NFATC2: variants seen among roughly 807,000 people sequenced by gnomAD.
NFATC2 encodes the protein nuclear factor of activated T-cells, cytoplasmic 2.
In NFATC2, 22 loss-of-function variants were observed where a neutral mutation model predicts 87.3. The observed-to-expected ratio is 0.25, with a 90% CI of 0.18 to 0.36. The LOEUF (loss-of-function observed/expected upper bound fraction) is 0.36, where lower values mean the gene tolerates loss of function less well. Ranked by LOEUF, NFATC2 falls within the 10% of genes least tolerant of loss-of-function variation. The probability of loss-of-function intolerance (pLI) is 1.00; values close to 1 mark genes in which losing one functional copy is unlikely to be tolerated. For missense variants in NFATC2, 1,149 were observed against 1,259.1 expected, an observed-to-expected ratio of 0.91 and a Z score of 1.32; for synonymous variants, 565 against 542.2, an observed-to-expected ratio of 1.04 and a Z score of -0.58.
At chr20:51,404,010 A>T (rs1988312655) in intron 9 of NFATC2, among the ~76,000 whole-genome samples, 2 of 152,310 alleles carry the variant, frequency 1.3e-5, no homozygotes, top group South Asian at 4.2e-4. Flanking sequence ...TAGGTCCAGC[A>T]TCCCATGGCT....
intron 3 of NFATC2, among the ~76,000 whole-genome samples, chr20:51,476,091 T>A (rs1298056653): frequency 5.9e-5 from 8 of 136,234 alleles, no homozygotes; most frequent in South Asian, 2.3e-4. Flanking sequence ...TTTTTTTTTT[T>A]TATACTTTAA....
intron 1 of NFATC2, among the ~76,000 whole-genome samples, chr20:51,540,234 A>T: frequency 6.6e-6 from 1 of 151,802 alleles, no homozygotes; most frequent in East Asian, 1.9e-4. Context: ...GCTGGTCTTG[A>T]CCTCCTGACC....
Position 51,390,287 on chromosome 20 carries a change from C to G in NFATC2, c.*1209G>C, listed in dbSNP as rs1485870413. The G allele has an allele frequency of 6.6e-6, 1 of 152,222 alleles. No individual in the cohort carries two copies. Among genetic ancestry groups the G allele is most frequent in the East Asian group, 1.9e-4 (1 of 5,200 alleles). 9.4% of individuals were successfully genotyped at this position (152,222 alleles called of 1,614,324 possible). A position where few individuals can be genotyped will look rare whatever the true frequency, so the allele number is the denominator to read the frequency against. On this transcript the variant is annotated 3_prime_UTR_variant, in exon 11 of 11. Coordinates refer to ENST00000371564, the MANE Select transcript of NFATC2 (RefSeq NM_012340.5). ...CAAATTAACCAGTGAAGCTGGGAAG[C>G]ACATCCTGAGCTCGGCTGTCCCACT...
intron 3 of NFATC2, among the ~76,000 whole-genome samples, chr20:51,478,008 C>T (rs1444861025): frequency 6.6e-6 from 1 of 152,202 alleles, no homozygotes; most frequent in African/African-American, 2.4e-5. Context: ...TCCATCATCA[C>T]AGAAAGTCCT....
At chr20:51,415,397 C>A (rs1979906627) in intron 9 of NFATC2, among the ~76,000 whole-genome samples, 1 of 152,178 alleles carries the variant, frequency 6.6e-6, no homozygotes, top group Non-Finnish European at 1.5e-5. Context: ...GAGTCAACAT[C>A]CCACACACCA....
chr20:51,477,537 A>G (rs555067350), intron 3 of NFATC2, among the ~76,000 whole-genome samples: 4,542 of 25,888 alleles, frequency 0.18, 124 homozygotes, highest in Middle Eastern at 0.3. Context: ...GTGTGTGTCT[A>G]TATATATATA....
chr20:51,409,207 G>A (rs1978827170), intron 9 of NFATC2, among the ~76,000 whole-genome samples: 1 of 152,164 alleles, frequency 6.6e-6, no homozygotes, highest in African/African-American at 2.4e-5. Flanking sequence ...TGTACACCCT[G>A]TGACCATGCA....
At chr20:51,474,659 G>C (rs1019929410) in intron 4 of NFATC2, among the ~76,000 whole-genome samples, 4 of 152,190 alleles carry the variant, frequency 2.6e-5, no homozygotes, top group Admixed American at 1.3e-4. Flanking sequence ...GTTAACGCCT[G>C]GGAAAGCCGA....
In NFATC2 at chr20:51,523,435, G is replaced by T. The variant is rs749828104; in HGVS notation, c.806C>A (p.Pro269His). Residue 269 changes from proline (P) to histidine (H), a missense_variant, in exon 2 of 11, where the codon CCC becomes CAC. Pro to His is a moderately conservative substitution (Grantham distance 77, BLOSUM62 -2). Coordinates refer to ENST00000371564, the MANE Select transcript of NFATC2 (RefSeq NM_012340.5). This position sits in a 1 kb window ranked among gnomAD's most constrained non-coding sequence, Gnocchi z 6.9. ...CGGCGAGGGGCTCCGGGAGCGCTGGGGTGAGGCTCCGGGCGGCAGGGCAAC... is the reference window on the plus strand; with the variant it reads ...CGGCGAGGGGCTCCGGGAGCGCTGGTGTGAGGCTCCGGGCGGCAGGGCAAC... ...ALVALPPGAS[P>H]QRSRSPSPQP... 1.9e-6 allele frequency: 3 copies of T among 1,609,044 alleles called. No homozygotes were observed. Among genetic ancestry groups the T allele is most frequent in the Admixed American group, 3.4e-5 (2 of 59,522 alleles).
Position 51,454,480 on chromosome 20 carries a change from T to C in NFATC2, c.1849+68A>G. On this transcript the variant is annotated intron_variant, in intron 6 of 10. Coordinates refer to ENST00000371564, the MANE Select transcript of NFATC2 (RefSeq NM_012340.5). ...TCTACCCCCCAAAACCAAAGTTGTA[T>C]ATAATAAAGAGATGGTCACTTTTGC... 2.5e-6 allele frequency: 4 copies of C among 1,573,674 alleles called. No homozygotes were observed. In the Admixed American group the frequency reaches 7.1e-5, roughly 28 times the overall value.
rs1429994783 is a variant in NFATC2 at position 51,390,455 on chromosome 20, C to G, written c.*1041G>C. On this transcript the variant is annotated 3_prime_UTR_variant, in exon 11 of 11. Coordinates refer to ENST00000371564, the MANE Select transcript of NFATC2 (RefSeq NM_012340.5). ...GCTATTCCTCAATTAAATGCACATG[C>G]TTGAGATTCTCCACCGCTTTACGGA... 6.6e-6 allele frequency: 1 copy of G among 152,208 alleles called. No individual in the cohort carries two copies. The highest frequency in any genetic ancestry group is 1.9e-4 in the East Asian group (1 of 5,196). The allele number at this position is 152,208 out of a possible 1,614,324, so 9.4% of individuals were successfully genotyped here. A position where few individuals can be genotyped will look rare whatever the true frequency, so the allele number is the denominator to read the frequency against.
At chr20:51,536,793 T>C (rs1015303798) in intron 1 of NFATC2, among the ~76,000 whole-genome samples, 1 of 152,238 alleles carries the variant, frequency 6.6e-6, no homozygotes, top group Non-Finnish European at 1.5e-5. Flanking sequence ...AGCAGGCTTA[T>C]TAAGGCCTGT....
rs2076172732 is a variant in NFATC2, at chr20:51,505,980, C to T, written c.1332+10804G>A. ...ATGAGCATATCTTGAGCTCTCATCG[C>T]AGGCAGGGCCCTGTTTTGGCACCTC... is the stretch of plus-strand genomic sequence containing the variant. On this transcript the variant is annotated intron_variant, in intron 3 of 10. Transcript: ENST00000371564. Among the ~76,000 whole-genome samples the T allele has an allele frequency of 2.6e-5, 4 of 152,186 alleles. No individual in the cohort carries two copies. The South Asian group carries it at 8.3e-4, about 32-fold the overall frequency.
chr20:51,442,638 A>T (rs529731727), intron 6 of NFATC2, among the ~76,000 whole-genome samples: 1 of 151,952 alleles, frequency 6.6e-6, no homozygotes, highest in Non-Finnish European at 1.5e-5. Flanking sequence ...TTCTTCACTG[A>T]TTCAAGAAAC....
intron 9 of NFATC2, among the ~76,000 whole-genome samples, chr20:51,414,775 C>T (rs186398585): frequency 1.2e-4 from 18 of 152,226 alleles, no homozygotes; most frequent in Middle Eastern, 3.4e-3. Context: ...AGAAAGCCTC[C>T]GCACAGCCGC....
intron 6 of NFATC2, among the ~76,000 whole-genome samples, chr20:51,441,656 G>T (rs1984356519): frequency 6.9e-6 from 1 of 143,936 alleles, no homozygotes; most frequent in Admixed American, 7.4e-5. Context: ...GGCGGAGGTT[G>T]CAGTGAGCCG....
chr20:51,464,293 T>C (rs1277594015), intron 5 of NFATC2, among the ~76,000 whole-genome samples: 1 of 152,236 alleles, frequency 6.6e-6, no homozygotes, highest in Non-Finnish European at 1.5e-5. Flanking sequence ...CGTCTGGCAC[T>C]TACTGTGTGA....
chr20:51,511,794 T>C (rs2076275599), intron 3 of NFATC2, among the ~76,000 whole-genome samples: 1 of 152,176 alleles, frequency 6.6e-6, no homozygotes, highest in Non-Finnish European at 1.5e-5. Context: ...TCTAATCTAG[T>C]CCCCAGGGAG....
intron 2 of NFATC2, among the ~76,000 whole-genome samples, chr20:51,518,591 C>T (rs192989335): frequency 5.9e-5 from 9 of 151,994 alleles, no homozygotes; most frequent in African/African-American, 1.7e-4. Flanking sequence ...TTTGAAATAT[C>T]GAAAATGGAT....
Sources: gnomAD v4.1 joint callset for allele counts (sites outside exome capture counted in the v4.1 genomes callset) on GRCh38, gnomAD v4.1.1 for gene constraint, Gnocchi (gnomAD v3.1) non-coding constraint, MANE v1.5 for transcripts, NCBI Gene and HGNC (gene_info 2026-07-23, HGNC 2026-07-21) for gene names.